Variants in COL13A1 observed in about 807,000 individuals in gnomAD.
COL13A1 encodes collagen alpha-1(XIII) chain.
In COL13A1, 89 loss-of-function variants were observed where a neutral mutation model predicts 130.9. The observed-to-expected ratio is 0.68, with a 90% CI of 0.57 to 0.81. The LOEUF (loss-of-function observed/expected upper bound fraction) is 0.81, where lower values mean the gene tolerates loss of function less well. COL13A1 is among the 30% of genes least tolerant of loss of function. COL13A1 has a pLI of 0.00. For synonymous variants in COL13A1, 402 were observed against 341.6 expected (o/e 1.18, Z -1.95); for missense variants, 879 against 934.6 (o/e 0.94, Z 0.78).
rs552636939 is a variant in COL13A1, at chr10:69,875,270, G to A, written c.435+107G>A. The stretch of plus-strand genomic sequence containing the variant: ...GCTGTCTATCCCAGGCCCAAGGAGG[G>A]GGTCAGCACTTTCCCTTCCCCAAGC... On this transcript the variant is annotated intron_variant, in intron 5 of 40. Transcript: ENST00000645393. The A allele has an allele frequency of 5.0e-3, 6,868 of 1,383,280 alleles. 24 individuals are homozygous for A. Among genetic ancestry groups the A allele is most frequent in the Non-Finnish European group, 6.2e-3 (6,131 of 982,542 alleles). 85.7% of individuals were successfully genotyped at this position (1,383,280 alleles called of 1,614,324 possible).
chr10:69,947,274 T>C, intron 37 of COL13A1, 33 bp from the exon 38 acceptor site: 1 of 1,611,802 alleles, frequency 6.2e-7, no homozygotes, highest in South Asian at 1.1e-5. Context: ...TGTGTCCTCA[T>C]TAACATGCCT....
intron 34 of COL13A1, among the ~76,000 whole-genome samples, chr10:69,939,766 T>C (rs1252423380): frequency 6.6e-6 from 1 of 152,194 alleles, no homozygotes; most frequent in East Asian, 1.9e-4. Flanking sequence ...TTATTTAACA[T>C]TGCCCCCAAG....
intron 16 of COL13A1, 41 bp downstream of exon 16, chr10:69,905,000 A>G (rs1444751974): frequency 1.3e-6 from 2 of 1,553,558 alleles, no homozygotes; most frequent in Admixed American, 2.0e-5. Context: ...AGGTGGGAGA[A>G]TTCCCTGCAG....
intron 10 of COL13A1, among the ~76,000 whole-genome samples, chr10:69,889,822 C>T (rs1203226359): frequency 6.6e-6 from 1 of 152,228 alleles, no homozygotes; most frequent in Admixed American, 6.5e-5. Context: ...CCTGAGGTCC[C>T]TCAAGGCCTC....
At chr10:69,943,493 G>A (rs1172868054) in intron 35 of COL13A1, among the ~76,000 whole-genome samples, 7 of 152,200 alleles carry the variant, frequency 4.6e-5, no homozygotes, top group Non-Finnish European at 1.0e-4. Context: ...CCCAGCCCCG[G>A]GCTAGCAGAG....
At chr10:69,955,926 C>T (rs932300087) in intron 39 of COL13A1, 1 of 152,192 alleles carries the variant, frequency 6.6e-6, no homozygotes, top group Non-Finnish European at 1.5e-5. Context: ...GATAACCAGA[C>T]TTCCTAAGCC....
chr10:69,893,464 C>G (rs1423761093), intron 10 of COL13A1, among the ~76,000 whole-genome samples: 1 of 152,216 alleles, frequency 6.6e-6, no homozygotes, highest in East Asian at 1.9e-4. Context: ...GGGAGTTTCC[C>G]AGTTTGGAGG....
intron 18 of COL13A1, 138 bp from the exon 19 acceptor site, chr10:69,918,147 G>C: frequency 4.6e-6 from 3 of 652,082 alleles, no homozygotes; most frequent in Non-Finnish European, 7.8e-6. Context: ...CCCAGGTGGG[G>C]TTGGTGGTTG....
intron 2 of COL13A1, among the ~76,000 whole-genome samples, chr10:69,840,129 G>A (rs1177931567): frequency 6.6e-6 from 1 of 152,164 alleles, no homozygotes; most frequent in Non-Finnish European, 1.5e-5. Flanking sequence ...GCTGGCTGTC[G>A]GGTGAGAGAT....
intron 1 of COL13A1, among the ~76,000 whole-genome samples, chr10:69,812,987 G>A (rs1376503835): frequency 6.6e-6 from 1 of 152,212 alleles, no homozygotes; most frequent in Non-Finnish European, 1.5e-5. Flanking sequence ...GATGACAATG[G>A]CTGCCCCACA....
chr10:69,860,532 C>T (rs1220732282), intron 2 of COL13A1, among the ~76,000 whole-genome samples: 3 of 152,194 alleles, frequency 2.0e-5, no homozygotes, highest in African/African-American at 4.8e-5. Flanking sequence ...CATCAGCTGT[C>T]GAGACACCAT....
In COL13A1 at chr10:69,957,048, G is replaced by C. The variant is rs770719420; in HGVS notation, c.2184+6G>C. ...TCCAAGGCTGCTGGAACAAGGTAAG[G>C]CTTCCCATTGGTGTGCACTGGGGCT... On this transcript the variant is annotated splice_donor_region_variant and intron_variant, in intron 40 of 40. Coordinates refer to ENST00000645393, the MANE Select transcript of COL13A1 (RefSeq NM_001368882.1). The C allele has an allele frequency of 1.9e-6, 3 of 1,612,910 alleles. No individual in the cohort carries two copies. The highest frequency in any genetic ancestry group is 2.2e-5 in the East Asian group (1 of 44,870).
chr10:69,877,751 G>T, intron 5 of COL13A1: 1 of 329,966 alleles, frequency 3.0e-6, no homozygotes. Context: ...ACACACGTAC[G>T]TGCCTCAAGA....
chr10:69,842,919 C>A (rs1042365046), intron 2 of COL13A1, among the ~76,000 whole-genome samples: 5 of 151,972 alleles, frequency 3.3e-5, no homozygotes, highest in African/African-American at 9.7e-5. Flanking sequence ...CCTTTACATG[C>A]CTCCGGTCTA....
intron 2 of COL13A1, among the ~76,000 whole-genome samples, chr10:69,865,718 A>G (rs2058452410): frequency 6.6e-6 from 1 of 152,188 alleles, no homozygotes; most frequent in Non-Finnish European, 1.5e-5. Context: ...AGGTGCCTGT[A>G]AAAGACAGAT....
In COL13A1 at chr10:69,901,903, C is replaced by T. The variant is rs541441539; in HGVS notation, c.751-845C>T. On this transcript the variant is annotated intron_variant, in intron 14 of 40. Coordinates refer to ENST00000645393, the MANE Select transcript of COL13A1 (RefSeq NM_001368882.1). ...GGCTGAGGAGACAAGGGAATAATAA[C>T]AGCCTCCCCACGCAGCATAAAGCAC... Among the ~76,000 whole-genome samples the T allele has an allele frequency of 2.0e-5, 3 of 152,332 alleles. No homozygotes were observed. In the East Asian group the frequency reaches 5.8e-4, roughly 29 times the overall value.
chr10:69,857,961 CA>C (rs1856905366), intron 2 of COL13A1, among the ~76,000 whole-genome samples: 1 of 151,828 alleles, frequency 6.6e-6, no homozygotes, highest in African/African-American at 2.4e-5. Flanking sequence ...ACTAAAAATA[CA>C]AAAAATAGCC....
In COL13A1 at chr10:69,896,015, G is replaced by A. The variant is rs140375630; in HGVS notation, c.684+439G>A. On this transcript the variant is annotated intron_variant, in intron 13 of 40. Coordinates refer to ENST00000645393, the MANE Select transcript of COL13A1 (RefSeq NM_001368882.1). ...GGGGGTGGTGTCTGGCAGCCTAGCC[G>A]TGGCCAAAACAGTGGGACTTTTCTA... 2.6e-3 allele frequency among the ~76,000 whole-genome samples: 395 copies of A among 152,250 alleles called. 2 individuals carry two copies. Among genetic ancestry groups the A allele is most frequent in the African/African-American group, 8.9e-3 (369 of 41,540 alleles).
intron 10 of COL13A1, among the ~76,000 whole-genome samples, chr10:69,893,309 A>G (rs1277487874): frequency 6.6e-6 from 1 of 152,252 alleles, no homozygotes; most frequent in Non-Finnish European, 1.5e-5. Flanking sequence ...CGGAGATCAC[A>G]CCACTGTACT....
Sources: allele counts gnomAD v4.1 joint callset (sites outside exome capture counted in the v4.1 genomes callset), GRCh38; gene constraint gnomAD v4.1.1; transcripts MANE v1.5; gene names NCBI Gene and HGNC (gene_info 2026-07-23, HGNC 2026-07-21).